Variants in MCF2 observed in about 807,000 individuals in gnomAD.
MCF2 encodes the protein proto-oncogene DBL.
In MCF2, 44 loss-of-function variants were observed where a neutral mutation model predicts 82.5. That is an observed-to-expected ratio of 0.53 (90% CI 0.42 to 0.69). The LOEUF is 0.69. Ranked by LOEUF, MCF2 falls within the 30% of genes least tolerant of loss-of-function variation. MCF2 has a pLI of 0.00. For synonymous variants in MCF2, 217 were observed against 224.9 expected, an observed-to-expected ratio of 0.96 and a Z score of 0.32; for missense variants, 623 against 663.1, an observed-to-expected ratio of 0.94 and a Z score of 0.66.
intron 10 of MCF2, among the ~76,000 whole-genome samples, chrX:139,612,995 A>G (rs1931614651): frequency 9.0e-6 from 1 of 111,705 alleles, no homozygotes; most frequent in Non-Finnish European, 1.9e-5. Flanking sequence ...TATGAAAGAC[A>G]TTGAATTTAG....
chrX:139,586,374 A>T lies in MCF2; in HGVS notation c.2632+4T>A, dbSNP rs1471302713. The T allele has an allele frequency of 8.5e-7, 1 of 1,181,356 alleles. No homozygotes were observed. The highest frequency in any genetic ancestry group is 1.1e-6 in the Non-Finnish European group (1 of 869,597). ...TCTCGTCTTAAGATGACCATGACACATACCTGTATTTGCTTCTGCCTGAAC... is the reference window on the plus strand; with the variant it reads ...TCTCGTCTTAAGATGACCATGACACTTACCTGTATTTGCTTCTGCCTGAAC... On this transcript the variant is annotated splice_donor_region_variant and intron_variant, in intron 23 of 24. Transcript: ENST00000370576.
At chrX:139,639,724 A>AG (rs1933452060) in intron 1 of MCF2, among the ~76,000 whole-genome samples, 2 of 111,970 alleles carry the variant, frequency 1.8e-5, no homozygotes, top group African/African-American at 6.5e-5. Flanking sequence ...GTGCTCTCTA[A>AG]GGGAGGCAAT....
intron 1 of MCF2, among the ~76,000 whole-genome samples, chrX:139,687,465 G>C (rs1357370354): frequency 8.8e-6 from 1 of 113,015 alleles, no homozygotes; most frequent in African/African-American, 3.2e-5. Flanking sequence ...TCTCCTCATG[G>C]GATTGGCCTC....
At chrX:139,671,080 T>G (rs1285929224) in intron 1 of MCF2, among the ~76,000 whole-genome samples, 1 of 112,477 alleles carries the variant, frequency 8.9e-6, no homozygotes, top group Non-Finnish European at 1.9e-5. Flanking sequence ...TGAGCATTTT[T>G]TCATGTGTCT....
intron 13 of MCF2, 125 bp from the exon 18 acceptor site, chrX:139,605,109 C>A: frequency 2.3e-4 from 56 of 243,387 alleles, no homozygotes; most frequent in Middle Eastern, 1.4e-3. Context: ...AATTTTATTT[C>A]AATTTTAATT....
chrX:139,591,897 T>TAA (rs779291305), intron 19 of MCF2, among the ~76,000 whole-genome samples: 2 of 104,479 alleles, frequency 1.9e-5, no homozygotes, highest in Admixed American at 1.0e-4. Context: ...AAATAAAAGT[T>TAA]AAAAAAAAAA....
chrX:139,585,293 C>T (rs5909018), intron 23 of MCF2, 115 bp from the exon 28 acceptor site: 210,023 of 475,399 alleles, frequency 0.44, 35,211 homozygotes, highest in Middle Eastern at 0.52. Flanking sequence ...ATGGATTAAC[C>T]AATCTAATGT....
At chrX:139,646,735 C>T, upstream of MCF2, 1 of 593,646 alleles carries the variant, frequency 1.7e-6, no homozygotes, top group Non-Finnish European at 2.6e-6. Flanking sequence ...TTATGACATT[C>T]AGATGGATAT....
At chrX:139,609,588 T>C (rs1252852181) in intron 11 of MCF2, among the ~76,000 whole-genome samples, 1 of 110,463 alleles carries the variant, frequency 9.1e-6, no homozygotes, top group East Asian at 2.8e-4. Context: ...TGTGGGATGT[T>C]GTAGCTATGA....
chrX:139,673,973 G>C (rs556958425), intron 1 of MCF2, among the ~76,000 whole-genome samples: 4 of 111,484 alleles, frequency 3.6e-5, no homozygotes, highest in African/African-American at 6.5e-5. Flanking sequence ...AGGTCTCTAA[G>C]GACTTGCTTT....
intron 1 of MCF2, among the ~76,000 whole-genome samples, chrX:139,676,132 G>T (rs1934856061): frequency 1.8e-5 from 2 of 112,870 alleles, no homozygotes; most frequent in Non-Finnish European, 3.7e-5. Flanking sequence ...GCTGAGCCAG[G>T]TGTGAGATAT....
Position 139,602,509 on chromosome X carries a change from AAAC to A in MCF2, c.1744-14_1744-12del. On this transcript the variant is annotated splice_polypyrimidine_tract_variant and intron_variant, in intron 15 of 24. Coordinates refer to ENST00000370576, the Ensembl canonical transcript of MCF2. ...CTGAAAATCATCCTTCTGTGATAAA[AAAC>A]AAATTCAAATGTATTACTAATTTGT... 2 of 1,072,094 alleles carry A rather than the reference AAAC, an allele frequency of 1.9e-6. No homozygotes were observed. Among genetic ancestry groups the A allele is most frequent in the Non-Finnish European group, 2.6e-6 (2 of 771,853 alleles). The allele number at this position is 1,072,094 out of a possible 1,213,427, so 88.4% of individuals were successfully genotyped here. A position where few individuals can be genotyped will look rare whatever the true frequency, so the allele number is the denominator to read the frequency against.
chrX:139,670,999 G>A (rs950175642), intron 1 of MCF2, among the ~76,000 whole-genome samples: 4 of 111,337 alleles, frequency 3.6e-5, no homozygotes, highest in Admixed American at 1.9e-4. Context: ...TTTAATGATC[G>A]CCATTCTAAT....
intron 1 of MCF2, among the ~76,000 whole-genome samples, chrX:139,697,997 G>A (rs149495441): frequency 7.3e-5 from 8 of 110,101 alleles, no homozygotes; most frequent in East Asian, 2.9e-4. Flanking sequence ...AAAATTAGCC[G>A]GGTGTAGTGG....
intron 1 of MCF2, among the ~76,000 whole-genome samples, chrX:139,684,180 A>G (rs1294852002): frequency 8.9e-6 from 1 of 112,542 alleles, no homozygotes; most frequent in African/African-American, 3.2e-5. Flanking sequence ...ATCCATGTAG[A>G]CATTTATCCA....
chrX:139,590,165 G>A (rs943686462), intron 19 of MCF2, among the ~76,000 whole-genome samples: 4 of 111,217 alleles, frequency 3.6e-5, no homozygotes, highest in African/African-American at 1.3e-4. Context: ...TGACACAAAT[G>A]TTATAAATCT....
intron 2 of MCF2, among the ~76,000 whole-genome samples, chrX:139,651,323 G>C (rs746066887): frequency 9.0e-6 from 1 of 110,776 alleles, no homozygotes; most frequent in Non-Finnish European, 1.9e-5. Context: ...TGATTATTTA[G>C]TGCAACTTGC....
At chrX:139,608,556 G>A (rs1931234680) in intron 11 of MCF2, among the ~76,000 whole-genome samples, 1 of 111,036 alleles carries the variant, frequency 9.0e-6, no homozygotes, top group Non-Finnish European at 1.9e-5. Flanking sequence ...TTGGACAGCT[G>A]AGCTTGCCAA....
chrX:139,686,299 A>G (rs1244256342), intron 1 of MCF2, among the ~76,000 whole-genome samples: 1 of 111,625 alleles, frequency 9.0e-6, no homozygotes, highest in Non-Finnish European at 1.9e-5. Flanking sequence ...AATAAAGGAC[A>G]TCCCAATAGG....
Sources: gnomAD v4.1 joint callset for allele counts (sites outside exome capture counted in the v4.1 genomes callset) on GRCh38, gnomAD v4.1.1 for gene constraint, MANE v1.5 for transcripts, NCBI Gene and HGNC (gene_info 2026-07-23, HGNC 2026-07-21) for gene names.